Variants in ADGRB3 observed in about 807,000 individuals in gnomAD.
ADGRB3 encodes the protein adhesion G protein-coupled receptor B3.
In ADGRB3, 37 loss-of-function variants were observed where a neutral mutation model predicts 193.4. That is an observed-to-expected ratio of 0.19 (90% CI 0.15 to 0.25). The LOEUF (loss-of-function observed/expected upper bound fraction) is 0.25. Among genes scored for constraint, ADGRB3 ranks in the 10% least tolerant of loss-of-function variants. The pLI, the probability that ADGRB3 is intolerant of heterozygous loss-of-function variation, is 1.00. For missense variants in ADGRB3, 1,637 were observed against 1,852.9 expected (o/e 0.88, Z 2.14); for synonymous variants, 690 against 644.2 (o/e 1.07, Z -1.08).
intron 3 of ADGRB3, among the ~76,000 whole-genome samples, chr6:68,879,564 C>T (rs1306817029): frequency 6.6e-6 from 1 of 150,498 alleles, no homozygotes; most frequent in Non-Finnish European, 1.5e-5. Context: ...TAAATGTTTT[C>T]CCCCAACTGG....
At chr6:68,924,436 A>G (rs1416982816) in intron 3 of ADGRB3, among the ~76,000 whole-genome samples, 1 of 152,082 alleles carries the variant, frequency 6.6e-6, no homozygotes, top group African/African-American at 2.4e-5. Context: ...TATTATATGT[A>G]ATTATTTCAT....
At chr6:68,713,186 GA>G (rs1261612445) in intron 3 of ADGRB3, among the ~76,000 whole-genome samples, 2 of 151,780 alleles carry the variant, frequency 1.3e-5, no homozygotes, top group African/African-American at 4.8e-5. Flanking sequence ...CACCATGATG[GA>G]AATAAAATGG....
At chr6:68,922,332 G>A (rs1767066486) in intron 3 of ADGRB3, among the ~76,000 whole-genome samples, 2 of 152,170 alleles carry the variant, frequency 1.3e-5, no homozygotes, top group South Asian at 4.1e-4. Context: ...GTGGATGCCA[G>A]CTACAGCATA....
intron 13 of ADGRB3, among the ~76,000 whole-genome samples, chr6:69,033,090 T>A (rs939819814): frequency 6.6e-6 from 1 of 152,100 alleles, no homozygotes; most frequent in Admixed American, 6.6e-5. Flanking sequence ...ATTATACTTA[T>A]TGTGTACTTT....
chr6:68,678,524 AAGAC>A (rs1340443784), intron 3 of ADGRB3, among the ~76,000 whole-genome samples: 2 of 152,162 alleles, frequency 1.3e-5, no homozygotes, highest in Non-Finnish European at 2.9e-5. Context: ...GAACATATAA[AAGAC>A]AGGTGGATAG....
At chr6:68,738,867 T>C (rs1203242670) in intron 3 of ADGRB3, among the ~76,000 whole-genome samples, 2 of 152,154 alleles carry the variant, frequency 1.3e-5, no homozygotes, top group Non-Finnish European at 2.9e-5. Flanking sequence ...CAAAATTGTA[T>C]AATCTTACCA....
intron 3 of ADGRB3, among the ~76,000 whole-genome samples, chr6:68,676,053 A>G (rs999739278): frequency 1.3e-5 from 2 of 152,152 alleles, no homozygotes; most frequent in African/African-American, 4.8e-5. Context: ...AATTATTTGT[A>G]TGTATTTACA....
rs150742906 is a variant in ADGRB3, at chr6:68,911,147, C to A, written c.758-19412C>A. Among the ~76,000 whole-genome samples the A allele has an allele frequency of 3.4e-3, 521 of 151,800 alleles. 4 individuals are homozygous for A. The highest frequency in any genetic ancestry group is 0.011 in the African/African-American group (450 of 41,384). ...ATGGATGAAGCTGGAAACCATCATT[C>A]TCAGCAAACTATAGCAAGGACAAAA... On this transcript the variant is annotated intron_variant, in intron 3 of 31. Transcript: ENST00000370598.
At chr6:69,121,225 C>G (rs973284544) in intron 17 of ADGRB3, among the ~76,000 whole-genome samples, 27 of 152,086 alleles carry the variant, frequency 1.8e-4, no homozygotes, top group Admixed American at 1.3e-4. Context: ...AGCATGCTGT[C>G]TTCAAGCATC....
At chr6:69,186,258 C>T (rs374602866) in intron 17 of ADGRB3, among the ~76,000 whole-genome samples, 2 of 150,618 alleles carry the variant, frequency 1.3e-5, no homozygotes, top group Non-Finnish European at 2.9e-5. Context: ...TATCTTTGTC[C>T]TTGGCCACAA....
At chr6:69,020,753 G>T (rs1770239040) in intron 13 of ADGRB3, among the ~76,000 whole-genome samples, 1 of 151,970 alleles carries the variant, frequency 6.6e-6, no homozygotes, top group African/African-American at 2.4e-5. Context: ...CTGATTTGTT[G>T]TTGATTTCCT....
chr6:69,165,423 C>T (rs753623635), intron 17 of ADGRB3, among the ~76,000 whole-genome samples: 2 of 151,746 alleles, frequency 1.3e-5, no homozygotes, highest in African/African-American at 2.4e-5. Flanking sequence ...CTTCACTTTA[C>T]ACCCCGGCAA....
intron 17 of ADGRB3, among the ~76,000 whole-genome samples, chr6:69,128,712 G>A (rs773054520): frequency 1.3e-5 from 2 of 152,066 alleles, no homozygotes; most frequent in African/African-American, 4.8e-5. Flanking sequence ...TCAAAATGTA[G>A]GTTTAGCTTT....
At position 69,339,069 on chromosome 6, in the gene ADGRB3, G is replaced by C. The variant is rs9454731; in HGVS notation, c.3287+55G>C. ...TACAAATCTTTTACAGTGCATGTGA[G>C]AAAATGCTATGATGAAAAAAAATTG... On this transcript the variant is annotated intron_variant, in intron 25 of 31. Coordinates refer to ENST00000370598, the MANE Select transcript of ADGRB3 (RefSeq NM_001704.3). The C allele has an allele frequency of 3.5e-5, 55 of 1,569,762 alleles. No homozygotes were observed. In the African/African-American group the frequency reaches 7.1e-4, roughly 20 times the overall value.
chr6:68,821,764 A>G (rs1292986840), intron 3 of ADGRB3, among the ~76,000 whole-genome samples: 2 of 151,842 alleles, frequency 1.3e-5, no homozygotes, highest in African/African-American at 2.4e-5. Context: ...TTGTGGTATT[A>G]ATTAATTTAT....
At chr6:69,242,811 G>T (rs1766413089) in intron 20 of ADGRB3, among the ~76,000 whole-genome samples, 1 of 151,642 alleles carries the variant, frequency 6.6e-6, no homozygotes, top group African/African-American at 2.4e-5. Context: ...ATCTCTTTGT[G>T]CATTTAAACT....
At chr6:68,849,756 T>C (rs993518433) in intron 3 of ADGRB3, among the ~76,000 whole-genome samples, 18 of 151,890 alleles carry the variant, frequency 1.2e-4, no homozygotes, top group African/African-American at 3.9e-4. Flanking sequence ...ACTTCTTAGA[T>C]AGATGTTTGG....
At chr6:68,838,090 G>T (rs1436467060) in intron 3 of ADGRB3, among the ~76,000 whole-genome samples, 1 of 152,180 alleles carries the variant, frequency 6.6e-6, no homozygotes, top group Non-Finnish European at 1.5e-5. Flanking sequence ...CCTGGACAAT[G>T]ATAGGTAAAG....
At chr6:68,677,524 T>TC (rs544678904) in intron 3 of ADGRB3, among the ~76,000 whole-genome samples, 2 of 145,254 alleles carry the variant, frequency 1.4e-5, no homozygotes, top group Non-Finnish European at 3.0e-5. Flanking sequence ...TTTTTTTCTT[T>TC]TTTTTTTTTT....
Sources: gnomAD v4.1 joint callset for allele counts (sites outside exome capture counted in the v4.1 genomes callset) on GRCh38, gnomAD v4.1.1 for gene constraint, MANE v1.5 for transcripts, NCBI Gene and HGNC (gene_info 2026-07-23, HGNC 2026-07-21) for gene names.